XRN2: variants seen among roughly 807,000 people sequenced by gnomAD.
XRN2 encodes DHM1-like protein.
In XRN2, 44 loss-of-function variants were observed where a neutral mutation model predicts 138.5. That is an observed-to-expected ratio of 0.32 (90% confidence interval 0.25 to 0.41). The LOEUF (loss-of-function observed/expected upper bound fraction) is 0.41. XRN2 is among the 10% of genes least tolerant of loss of function. The pLI is 1.00. For missense variants in XRN2, 937 were observed against 1,169.3 expected, an observed-to-expected ratio of 0.80 and a Z score of 2.90; for synonymous variants, 354 against 369.4, an observed-to-expected ratio of 0.96 and a Z score of 0.48.
At chr20:21,355,020 A>C (rs1354348121) in intron 21 of XRN2, 148 bp downstream of exon 21, 3 of 570,264 alleles carry the variant, frequency 5.3e-6, no homozygotes, top group Non-Finnish European at 8.3e-6. Flanking sequence ...ACAGACGTTG[A>C]CTTTGCTTCT....
intron 27 of XRN2, among the ~76,000 whole-genome samples, chr20:21,380,033 A>G (rs2038865896): frequency 6.6e-6 from 1 of 152,172 alleles, no homozygotes; most frequent in African/African-American, 2.4e-5. Flanking sequence ...CGTAAGTACC[A>G]TGGAGAATGT....
At chr20:21,350,602 T>C (rs1568585551) in intron 20 of XRN2, among the ~76,000 whole-genome samples, 2 of 145,604 alleles carry the variant, frequency 1.4e-5, no homozygotes, top group African/African-American at 5.0e-5. Context: ...ACTAAAGTCA[T>C]CCTGCAGCAA....
At chr20:21,368,212 G>T (rs376407995) in intron 26 of XRN2, among the ~76,000 whole-genome samples, 1 of 152,246 alleles carries the variant, frequency 6.6e-6, no homozygotes, top group Admixed American at 6.5e-5. Context: ...ATTATTTTTC[G>T]TATGATGTAA....
chr20:21,383,179 C>G, intron 28 of XRN2, among the ~76,000 whole-genome samples: 1 of 152,186 alleles, frequency 6.6e-6, no homozygotes, highest in East Asian at 1.9e-4. Context: ...TGCAATACGA[C>G]TAGCAATGTG....
At chr20:21,322,126 A>G (rs1297943834) in intron 1 of XRN2, among the ~76,000 whole-genome samples, 2 of 152,170 alleles carry the variant, frequency 1.3e-5, no homozygotes, top group Non-Finnish European at 2.9e-5. Context: ...TCCAGACCTC[A>G]CAAGGTTGTT....
intron 27 of XRN2, among the ~76,000 whole-genome samples, chr20:21,381,349 T>C (rs2038880962): frequency 6.6e-6 from 1 of 152,222 alleles, no homozygotes; most frequent in African/African-American, 2.4e-5. Context: ...GTTTCTTTCA[T>C]CCTATATCCG....
chr20:21,308,887 G>A (rs2037839832), intron 1 of XRN2, among the ~76,000 whole-genome samples: 1 of 151,262 alleles, frequency 6.6e-6, no homozygotes, highest in Non-Finnish European at 1.5e-5. Context: ...CTTTGTCAAA[G>A]CCAAGGTCTC....
At chr20:21,376,985 G>T (rs1297678577) in intron 27 of XRN2, among the ~76,000 whole-genome samples, 1 of 152,110 alleles carries the variant, frequency 6.6e-6, no homozygotes, top group Non-Finnish European at 1.5e-5. Context: ...TCAAAAAAGA[G>T]TTGAATAGAT....
At chr20:21,325,820 C>T (rs951871773) in intron 1 of XRN2, among the ~76,000 whole-genome samples, 1 of 152,070 alleles carries the variant, frequency 6.6e-6, no homozygotes, top group Non-Finnish European at 1.5e-5. Context: ...GAGCTGGAGA[C>T]CAGAGAGTCT....
At chr20:21,384,677 G>A (rs1040842178) in intron 28 of XRN2, among the ~76,000 whole-genome samples, 45 of 152,136 alleles carry the variant, frequency 3.0e-4, no homozygotes, top group African/African-American at 1.1e-3. Context: ...ATTTTTAGTA[G>A]AGACGGGGTT....
chr20:21,313,411 C>G (rs954761138), intron 1 of XRN2, among the ~76,000 whole-genome samples: 5 of 152,128 alleles, frequency 3.3e-5, no homozygotes, highest in Non-Finnish European at 5.9e-5. Flanking sequence ...GCGAAAGTAC[C>G]ATGATTATTA....
chr20:21,377,607 T>C (rs982176527), intron 27 of XRN2, among the ~76,000 whole-genome samples: 2 of 151,928 alleles, frequency 1.3e-5, no homozygotes, highest in Non-Finnish European at 2.9e-5. Context: ...TTCTGACATA[T>C]TTATTTTGTG....
At chr20:21,385,479 A>C (rs1600723493) in intron 28 of XRN2, among the ~76,000 whole-genome samples, 1 of 152,222 alleles carries the variant, frequency 6.6e-6, no homozygotes, top group Non-Finnish European at 1.5e-5. Context: ...CCCTAGCCAT[A>C]TGCATTTTCT....
At chr20:21,354,692 A>G (rs1294122856) in intron 20 of XRN2, 97 bp from the exon 21 acceptor site, 2 of 1,138,202 alleles carry the variant, frequency 1.8e-6, no homozygotes, top group Admixed American at 2.0e-5. Flanking sequence ...TGTATCAGCA[A>G]GGAAACTCTA....
intron 1 of XRN2, 80 bp from the exon 2 acceptor site, chr20:21,326,199 C>G: frequency 7.1e-7 from 1 of 1,405,784 alleles, no homozygotes. Context: ...AGAAATGAAA[C>G]ACAAGTTCAT....
intron 3 of XRN2, among the ~76,000 whole-genome samples, chr20:21,327,931 C>A (rs2038149922): frequency 6.6e-6 from 1 of 152,130 alleles, no homozygotes; most frequent in Admixed American, 6.5e-5. Flanking sequence ...GGCTTTTCCA[C>A]TGAAATTGCA....
intron 26 of XRN2, among the ~76,000 whole-genome samples, chr20:21,367,168 C>T (rs951626686): frequency 3.3e-5 from 5 of 152,098 alleles, no homozygotes; most frequent in Non-Finnish European, 7.4e-5. Flanking sequence ...TATTTCCTCT[C>T]CTATGAATTT....
intron 27 of XRN2, among the ~76,000 whole-genome samples, chr20:21,376,793 C>T (rs1241333631): frequency 1.3e-5 from 2 of 152,056 alleles, no homozygotes; most frequent in South Asian, 2.1e-4. Flanking sequence ...TTTGGAAACC[C>T]AGGAGGGTGA....
intron 24 of XRN2, among the ~76,000 whole-genome samples, chr20:21,358,973 G>A (rs1457709800): frequency 6.6e-6 from 1 of 152,036 alleles, no homozygotes; most frequent in Non-Finnish European, 1.5e-5. Context: ...TTAATTCCAC[G>A]GTTCTCTCTT....
Sources: gnomAD v4.1 joint callset for allele counts (sites outside exome capture counted in the v4.1 genomes callset) on GRCh38, gnomAD v4.1.1 for gene constraint, MANE v1.5 for transcripts, NCBI Gene and HGNC (gene_info 2026-07-23, HGNC 2026-07-21) for gene names.